Variants in NFATC2 observed in about 807,000 individuals in gnomAD.
NFATC2 encodes nuclear factor of activated T-cells, cytoplasmic 2.
A neutral mutation model predicts 87.3 loss-of-function variants in NFATC2; 22 were observed. The observed-to-expected ratio is 0.25, with a 90% CI of 0.18 to 0.36. NFATC2 has a LOEUF of 0.36. NFATC2 is among the 10% of genes least tolerant of loss of function. The pLI, the probability that NFATC2 is intolerant of heterozygous loss-of-function variation, is 1.00. For missense variants in NFATC2, 1,149 were observed against 1,259.1 expected, an observed-to-expected ratio of 0.91 and a Z score of 1.32; for synonymous variants, 565 against 542.2, an observed-to-expected ratio of 1.04 and a Z score of -0.58.
intron 9 of NFATC2, among the ~76,000 whole-genome samples, chr20:51,421,089 C>CA (rs949191036): frequency 3.6e-5 from 5 of 139,330 alleles, no homozygotes; most frequent in East Asian, 2.1e-4. Context: ...AAAAAAAAAA[C>CA]AAAAAAAACT....
intron 1 of NFATC2, among the ~76,000 whole-genome samples, chr20:51,561,443 GA>G (rs56241418): frequency 0.017 from 1,601 of 95,520 alleles, 15 homozygotes; most frequent in Admixed American, 0.023. Context: ...AAGAAAGAAA[GA>G]AAGAAAGAAA....
intron 3 of NFATC2, among the ~76,000 whole-genome samples, chr20:51,510,085 G>T (rs779951134): frequency 1.3e-5 from 2 of 152,200 alleles, no homozygotes; most frequent in Non-Finnish European, 2.9e-5. Flanking sequence ...ACGCTTCCAC[G>T]TTCTCATATT....
intron 5 of NFATC2, among the ~76,000 whole-genome samples, chr20:51,457,338 C>T (rs1189267535): frequency 6.6e-6 from 1 of 152,238 alleles, no homozygotes; most frequent in East Asian, 1.9e-4. Context: ...GTCATCGCTA[C>T]TGGGCAAGCC....
In NFATC2 at chr20:51,447,842, T is replaced by C. The variant is rs115541169; in HGVS notation, c.1849+6706A>G. ...TTTGGTTTCTCTGTCCTCTCTGACA[T>C]GACTAGAAAAAATTACTCGAGTTGA... On this transcript the variant is annotated intron_variant, in intron 6 of 10. Coordinates refer to ENST00000371564, the MANE Select transcript of NFATC2 (RefSeq NM_012340.5). 6.2e-3 allele frequency among the ~76,000 whole-genome samples: 950 copies of C among 152,342 alleles called. 8 individuals are homozygous for C. Among genetic ancestry groups the C allele is most frequent in the African/African-American group, 0.021 (883 of 41,576 alleles).
In NFATC2 at chr20:51,416,510, G is replaced by A. The variant is rs62227357; in HGVS notation, c.2722+15557C>T. 7.1e-3 allele frequency among the ~76,000 whole-genome samples: 1,079 copies of A among 152,274 alleles called. 8 individuals are homozygous for A. The highest frequency in any genetic ancestry group is 0.014 in the Middle Eastern group (4 of 294). Reference sequence around the variant, plus strand: ...GTTTCACATCTGTCTGGAATAAAGGGCCCGTTCAAATCTGGGAGAGGCTAC... The same window carrying A: ...GTTTCACATCTGTCTGGAATAAAGGACCCGTTCAAATCTGGGAGAGGCTAC... On this transcript the variant is annotated intron_variant, in intron 9 of 10. Coordinates refer to ENST00000371564, the MANE Select transcript of NFATC2 (RefSeq NM_012340.5).
intron 2 of NFATC2, among the ~76,000 whole-genome samples, chr20:51,519,914 TAAAA>T (rs764620449): frequency 3.1e-5 from 4 of 128,470 alleles, no homozygotes; most frequent in Non-Finnish European, 3.3e-5. Flanking sequence ...AGACTCCATC[TAAAA>T]AAAAAAAAAA....
intron 3 of NFATC2, among the ~76,000 whole-genome samples, chr20:51,506,179 G>C (rs1356944365): frequency 6.6e-6 from 1 of 152,216 alleles, no homozygotes; most frequent in Non-Finnish European, 1.5e-5. Context: ...CAGGCACACA[G>C]GAAAAGCTCG....
intron 3 of NFATC2, among the ~76,000 whole-genome samples, chr20:51,508,687 C>G (rs530394886): frequency 1.3e-5 from 2 of 152,236 alleles, no homozygotes; most frequent in African/African-American, 4.8e-5. Flanking sequence ...GGAGTCTCGG[C>G]AGGGATGAAC....
intron 3 of NFATC2, among the ~76,000 whole-genome samples, chr20:51,479,661 G>C (rs897828738): frequency 6.6e-6 from 1 of 152,114 alleles, no homozygotes; most frequent in African/African-American, 2.4e-5. Flanking sequence ...AGCAGTGAAA[G>C]CATCTGTTTC....
intron 2 of NFATC2, among the ~76,000 whole-genome samples, chr20:51,520,432 TTTTC>T (rs201567285): frequency 0.013 from 1,634 of 127,112 alleles, 32 homozygotes; most frequent in African/African-American, 0.043. Context: ...TTGATCAGGA[TTTTC>T]TTTTTTTTTT....
At chr20:51,396,982 G>A (rs1014809152) in intron 10 of NFATC2, among the ~76,000 whole-genome samples, 1 of 151,924 alleles carries the variant, frequency 6.6e-6, no homozygotes, top group Non-Finnish European at 1.5e-5. Flanking sequence ...GCGCCATCTC[G>A]GCTCATCTCC....
Position 51,388,898 on chromosome 20 carries a change from C to G in NFATC2, c.*2598G>C, listed in dbSNP as rs550389469. ...CTACTTTCTCATTCTCTTAGAGGAT[C>G]TTATTGCCTCTTCCCGTACTGGAAA... On this transcript the variant is annotated 3_prime_UTR_variant, in exon 11 of 11. Coordinates refer to ENST00000371564, the MANE Select transcript of NFATC2 (RefSeq NM_012340.5). 6.6e-6 allele frequency: 1 copy of G among 152,206 alleles called. No homozygotes were observed. Among genetic ancestry groups the G allele is most frequent in the Admixed American group, 6.5e-5 (1 of 15,282 alleles). The allele number at this position is 152,206 out of a possible 1,614,324, so 9.4% of individuals were successfully genotyped here.
At chr20:51,411,957 A>T (rs1979325822) in intron 9 of NFATC2, among the ~76,000 whole-genome samples, 1 of 152,094 alleles carries the variant, frequency 6.6e-6, no homozygotes, top group African/African-American at 2.4e-5. Context: ...AGAGGTCCCA[A>T]CCTCAGTGAG....
chr20:51,405,432 G>C (rs986926286), intron 9 of NFATC2, among the ~76,000 whole-genome samples: 1 of 42,506 alleles, frequency 2.4e-5, no homozygotes, highest in Non-Finnish European at 6.7e-5. Context: ...GACCTCACAC[G>C]TGTCATCTCA....
At chr20:51,392,886 G>A (rs2146200514) in intron 10 of NFATC2, among the ~76,000 whole-genome samples, 1 of 152,302 alleles carries the variant, frequency 6.6e-6, no homozygotes, top group South Asian at 2.1e-4. Context: ...AATGCAAAGA[G>A]CTGAATGAAC....
intron 1 of NFATC2, among the ~76,000 whole-genome samples, chr20:51,531,242 G>T (rs1435378865): frequency 6.6e-6 from 1 of 152,246 alleles, no homozygotes; most frequent in East Asian, 1.9e-4. Flanking sequence ...CCTGCGCACA[G>T]CAGAGGCCCA....
At chr20:51,470,687 T>C (rs1212773133) in intron 5 of NFATC2, among the ~76,000 whole-genome samples, 1 of 152,214 alleles carries the variant, frequency 6.6e-6, no homozygotes, top group Non-Finnish European at 1.5e-5. Flanking sequence ...CTGTCATTAG[T>C]AACAATGTAT....
Position 51,435,063 on chromosome 20 carries a change from C to T in NFATC2, c.2032+125G>A, listed in dbSNP as rs140528803. On this transcript the variant is annotated intron_variant, in intron 8 of 10. Transcript: ENST00000371564. Reference sequence around the variant, plus strand: ...AGATGCTGTCTCACAGATGATGCAACTGAGGCTCAGAGAGGTTGAGTCATC... The same window carrying T: ...AGATGCTGTCTCACAGATGATGCAATTGAGGCTCAGAGAGGTTGAGTCATC... 92 of 1,203,642 alleles carry T rather than the reference C, an allele frequency of 7.6e-5. No homozygotes were observed. The East Asian group carries it at 1.7e-3, about 23-fold the overall frequency. 74.6% of individuals were successfully genotyped at this position (1,203,642 alleles called of 1,614,324 possible). A position where few individuals can be genotyped will look rare whatever the true frequency, so the allele number is the denominator to read the frequency against.
rs1030253457 is a variant in NFATC2 at position 51,431,938 on chromosome 20, C to T, written c.2722+129G>A. The T allele has an allele frequency of 1.1e-5, 11 of 1,017,318 alleles. No individual in the cohort carries two copies. In the South Asian group the frequency reaches 1.2e-4, roughly 11 times the overall value. 63.0% of individuals were successfully genotyped at this position (1,017,318 alleles called of 1,614,324 possible). ...TTTCAGGGTCATATTATTCAACCTC[C>T]TTAAATTAAAATGGGGACACTGAGG... On this transcript the variant is annotated intron_variant, in intron 9 of 10. Transcript: ENST00000371564.
Sources: gnomAD v4.1 joint callset for allele counts (sites outside exome capture counted in the v4.1 genomes callset) on GRCh38, gnomAD v4.1.1 for gene constraint, MANE v1.5 for transcripts, NCBI Gene and HGNC (gene_info 2026-07-23, HGNC 2026-07-21) for gene names.